CCDC171: variants seen among roughly 807,000 people sequenced by gnomAD.
CCDC171 encodes coiled-coil domain containing 171, also known as coiled-coil domain-containing protein 171.
In CCDC171, 177 loss-of-function variants were observed where a neutral mutation model predicts 168.2. The ratio of observed to expected loss-of-function variants is 1.05; its 90% confidence interval spans 0.93 to 1.19. CCDC171 has a LOEUF of 1.19. CCDC171 is among the 50% of genes most tolerant of loss of function. The pLI is 0.00. For missense variants in CCDC171, 1,991 were observed against 1,539.0 expected (o/e 1.29, Z -4.91); for synonymous variants, 687 against 540.8 (o/e 1.27, Z -3.75).
At chr9:15,643,467 T>G (rs1297370824) in intron 7 of CCDC171, among the ~76,000 whole-genome samples, 1 of 152,218 alleles carries the variant, frequency 6.6e-6, no homozygotes, top group Admixed American at 6.5e-5. Flanking sequence ...AGTCAGCATT[T>G]AGAAATAACT....
rs530328595 is a variant in CCDC171 at position 15,888,393 on chromosome 9, C to G, written c.3600+13730C>G. ...ATTCCAGTTAAGTATATAGCCATTCCAAGACCCAGGTGGTAAATTCATGCC... is the reference window on the plus strand; with the variant it reads ...ATTCCAGTTAAGTATATAGCCATTCGAAGACCCAGGTGGTAAATTCATGCC... On this transcript the variant is annotated intron_variant, in intron 24 of 25. Coordinates refer to ENST00000380701, the MANE Select transcript of CCDC171 (RefSeq NM_173550.4). Among the ~76,000 whole-genome samples, 108 of 152,060 alleles carry G rather than the reference C, an allele frequency of 7.1e-4. 1 individual carries two copies. Among genetic ancestry groups the G allele is most frequent in the African/African-American group, 2.4e-3 (99 of 41,388 alleles).
chr9:15,832,482 C>T (rs938383949), intron 21 of CCDC171, among the ~76,000 whole-genome samples: 1 of 152,160 alleles, frequency 6.6e-6, no homozygotes, highest in African/African-American at 2.4e-5. Flanking sequence ...TTCTAGGCTA[C>T]AAACCTGTAC....
intron 18 of CCDC171, among the ~76,000 whole-genome samples, chr9:15,757,581 C>T (rs2056199547): frequency 6.6e-6 from 1 of 152,176 alleles, no homozygotes. Context: ...TTCAAGTGGG[C>T]TGCGGAAATT....
At chr9:15,705,421 A>G (rs974576292) in intron 11 of CCDC171, among the ~76,000 whole-genome samples, 1 of 149,912 alleles carries the variant, frequency 6.7e-6, no homozygotes, top group African/African-American at 2.5e-5. Context: ...ACCTCCCACT[A>G]CTCTCCCCTC....
chr9:15,868,689 T>A (rs1042584750), intron 23 of CCDC171, among the ~76,000 whole-genome samples: 1 of 152,030 alleles, frequency 6.6e-6, no homozygotes, highest in African/African-American at 2.4e-5. Context: ...TACCAAAATC[T>A]TAAGTAATTT....
intron 23 of CCDC171, 21 bp from the exon 24 acceptor site, chr9:15,874,511 A>G: frequency 1.3e-6 from 2 of 1,576,578 alleles, no homozygotes; most frequent in Non-Finnish European, 1.7e-6. Context: ...ATTACCATTG[A>G]TGCTGTTTTT....
intron 1 of CCDC171, among the ~76,000 whole-genome samples, chr9:16,051,338 C>G (rs1383166726): frequency 6.6e-6 from 1 of 152,068 alleles, no homozygotes; most frequent in African/African-American, 2.4e-5. Context: ...GTTTTCATAG[C>G]AAGCAGTCCC....
the CCDC171 span, among the ~76,000 whole-genome samples, chr9:16,077,327 G>C: frequency 4.6e-5 from 7 of 152,118 alleles, no homozygotes; most frequent in African/African-American, 1.7e-4. Flanking sequence ...TCGCCTTACC[G>C]GGGTATCAAA....
intron 17 of CCDC171, among the ~76,000 whole-genome samples, chr9:15,745,190 T>G (rs1051514500): frequency 1.3e-5 from 2 of 152,194 alleles, no homozygotes; most frequent in African/African-American, 4.8e-5. Context: ...TGTGTGAAAA[T>G]GAGACAAATG....
At chr9:15,948,287 G>T (rs9722196) in intron 25 of CCDC171, among the ~76,000 whole-genome samples, 1 of 139,526 alleles carries the variant, frequency 7.2e-6, no homozygotes, top group African/African-American at 2.6e-5. Context: ...AATAAACATA[G>T]GTGTGCATGT....
the CCDC171 span, among the ~76,000 whole-genome samples, chr9:16,073,423 C>G: frequency 9.2e-5 from 14 of 152,182 alleles, no homozygotes; most frequent in African/African-American, 2.7e-4. Flanking sequence ...TACAAGCACT[C>G]TGTTCTTGTT....
the CCDC171 span, among the ~76,000 whole-genome samples, chr9:16,080,453 C>T: frequency 1.3e-5 from 2 of 152,120 alleles, no homozygotes; most frequent in Non-Finnish European, 2.9e-5. Context: ...TTGTTTTCTA[C>T]GTCTTTTTCT....
At chr9:15,902,805 G>C (rs559863719) in intron 24 of CCDC171, among the ~76,000 whole-genome samples, 1 of 152,174 alleles carries the variant, frequency 6.6e-6, no homozygotes, top group Admixed American at 6.5e-5. Flanking sequence ...GTGACGGACG[G>C]CACCTGGAAA....
At chr9:15,844,769 C>G (rs1201679092) in intron 21 of CCDC171, among the ~76,000 whole-genome samples, 1 of 151,918 alleles carries the variant, frequency 6.6e-6, no homozygotes, top group Non-Finnish European at 1.5e-5. Flanking sequence ...AGTAGAAATT[C>G]TAATGTTATG....
At chr9:15,569,515 A>T (rs1365196749) in intron 2 of CCDC171, among the ~76,000 whole-genome samples, 1 of 152,214 alleles carries the variant, frequency 6.6e-6, no homozygotes, top group African/African-American at 2.4e-5. Context: ...CTTCTAATTT[A>T]AAAAATTTTC....
At chr9:15,677,844 T>G in intron 9 of CCDC171, among the ~76,000 whole-genome samples, 1 of 95,476 alleles carries the variant, frequency 1.0e-5, no homozygotes, top group Non-Finnish European at 2.0e-5. Flanking sequence ...TGGCTGTGTG[T>G]GTGTGTGTAT....
intron 7 of CCDC171, 62 bp downstream of exon 7, chr9:15,623,475 G>GCACGCACACACACA (rs1554714959): frequency 3.4e-6 from 1 of 293,710 alleles, no homozygotes; most frequent in African/African-American, 2.4e-5. Flanking sequence ...GCGCGCGCGC[G>GCACGCACACACACA]CACACACACA....
chr9:15,796,221 A>G (rs2058549282), intron 21 of CCDC171, among the ~76,000 whole-genome samples: 1 of 152,220 alleles, frequency 6.6e-6, no homozygotes, highest in Admixed American at 6.5e-5. Context: ...AACTCAGTGA[A>G]CATTGGGTAG....
chr9:15,623,318 A>G lies in CCDC171; in HGVS notation c.727A>G (p.Thr243Ala). Reference sequence around the variant, plus strand: ...GCATAAGAAAGTAGAAAAATTAGAAACAGAACATATGGACTGCTCTGACCT... The same window carrying G: ...GCATAAGAAAGTAGAAAAATTAGAAGCAGAACATATGGACTGCTCTGACCT... ...NMHKKVEKLE[T>A]EHMDCSDLLR... The change falls in exon 7 of 26, where the codon ACA becomes GCA. Residue 243 changes from threonine to alanine, a missense_variant. Transcript: ENST00000380701. 2 of 1,604,046 alleles carry G rather than the reference A, an allele frequency of 1.2e-6. No individual in the cohort carries two copies. Among genetic ancestry groups the G allele is most frequent in the Non-Finnish European group, 1.7e-6 (2 of 1,173,916 alleles).
Sources: gnomAD v4.1 joint callset for allele counts (sites outside exome capture counted in the v4.1 genomes callset) on GRCh38, gnomAD v4.1.1 for gene constraint, MANE v1.5 for transcripts, NCBI Gene and HGNC (gene_info 2026-07-23, HGNC 2026-07-21) for gene names.